DNM1: variants seen among roughly 807,000 people sequenced by gnomAD.
DNM1 encodes the protein dynamin-1.
A neutral mutation model predicts 104.6 loss-of-function variants in DNM1; 29 were observed. The observed-to-expected ratio is 0.28, with a 90% CI of 0.21 to 0.38. DNM1 has a LOEUF of 0.38. DNM1 is among the 10% of genes least tolerant of loss of function. The probability of loss-of-function intolerance (pLI) is 1.00; values close to 1 mark genes in which losing one functional copy is unlikely to be tolerated. For missense variants in DNM1, 640 were observed against 1,189.4 expected, an observed-to-expected ratio of 0.54 and a Z score of 6.79; for synonymous variants, 445 against 475.8, an observed-to-expected ratio of 0.94 and a Z score of 0.84.
At position 128,203,718 on chromosome 9, in the gene DNM1, C is replaced by T. The variant is rs1288475598; in HGVS notation, c.161+87C>T. The T allele has an allele frequency of 8.7e-6, 11 of 1,271,452 alleles. No individual in the cohort carries two copies. The highest frequency in any genetic ancestry group is 8.4e-5 in the Admixed American group (2 of 23,740). The allele number at this position is 1,271,452 out of a possible 1,614,324, so 78.8% of individuals were successfully genotyped here. On this transcript the variant is annotated intron_variant, in intron 1 of 21. Coordinates refer to ENST00000372923, the MANE Select transcript of DNM1 (RefSeq NM_004408.4). The surrounding 1 kb of genome is among the most constrained non-coding windows in gnomAD (Gnocchi z 5.3). ...CGGGGCACTGACGGCGCGGCGACCT[C>T]GCAGCCCCCGACGCTGCACCCGCGG...
intron 11 of DNM1, among the ~76,000 whole-genome samples, chr9:128,235,603 G>C (rs1207632980): frequency 6.6e-6 from 1 of 152,238 alleles, no homozygotes; most frequent in East Asian, 1.9e-4. Flanking sequence ...TGGCCATTGT[G>C]AATCACACTG....
At position 128,207,946 on chromosome 9, in the gene DNM1, G is replaced by T. The variant is rs911022963; in HGVS notation, c.161+4315G>T. Among the ~76,000 whole-genome samples, 4 of 152,060 alleles carry T rather than the reference G, an allele frequency of 2.6e-5. No individual in the cohort carries two copies. In the East Asian group the frequency reaches 5.8e-4, roughly 22 times the overall value. ...AGCGACCCTCTGCCCAGAGCCGAAG[G>T]AGCAGCCTGGGAGGAAGGGTTTTAG... On this transcript the variant is annotated intron_variant, in intron 1 of 21. Transcript: ENST00000372923.
Position 128,247,540 on chromosome 9 carries a change from G to A in DNM1, c.1893+54G>A. 1 of 1,379,526 alleles carries A rather than the reference G, an allele frequency of 7.2e-7. No individual in the cohort carries two copies. Among genetic ancestry groups the A allele is most frequent in the Non-Finnish European group, 1.0e-6 (1 of 981,762 alleles). The allele number at this position is 1,379,526 out of a possible 1,614,324, so 85.5% of individuals were successfully genotyped here. ...CAAGCATGATCCTAGGGCCCCTGGGGCACCATCCTCAGTGATGCCAAGTCA... is the reference window on the plus strand; with the variant it reads ...CAAGCATGATCCTAGGGCCCCTGGGACACCATCCTCAGTGATGCCAAGTCA... On this transcript the variant is annotated intron_variant, in intron 17 of 21. Coordinates refer to ENST00000372923, the MANE Select transcript of DNM1 (RefSeq NM_004408.4). The surrounding 1 kb of genome is among the most constrained non-coding windows in gnomAD (Gnocchi z 5.1).
At chr9:128,216,756 C>T (rs747249991) in intron 1 of DNM1, among the ~76,000 whole-genome samples, 2 of 152,192 alleles carry the variant, frequency 1.3e-5, no homozygotes, top group Admixed American at 6.5e-5. Context: ...TGCAAGAAGA[C>T]TTGTGAGTCT....
intron 11 of DNM1, among the ~76,000 whole-genome samples, chr9:128,238,208 C>CTGTTTGTT (rs59218725): frequency 9.6e-4 from 146 of 151,464 alleles, no homozygotes; most frequent in African/African-American, 2.2e-3. Flanking sequence ...TAAAAAGCCT[C>CTGTTTGTT]TGTTTGTTTG....
chr9:128,249,420 G>C (rs546996079), intron 19 of DNM1, among the ~76,000 whole-genome samples: 1 of 152,114 alleles, frequency 6.6e-6, no homozygotes, highest in Non-Finnish European at 1.5e-5. Flanking sequence ...ACTTTGGGAG[G>C]CCGAGGTGCG....
intron 21 of DNM1, chr9:128,252,348 AT>A (rs1829581630): frequency 5.4e-6 from 2 of 371,372 alleles, no homozygotes; most frequent in Admixed American, 3.7e-5. Context: ...CACATGAAAC[AT>A]TTGGCAAATC....
At position 128,249,875 on chromosome 9, in the gene DNM1, T is replaced by C. The variant is rs553787329; in HGVS notation, c.2077-240T>C. Among the ~76,000 whole-genome samples the C allele has an allele frequency of 2.1e-3, 315 of 151,766 alleles. 2 individuals carry two copies. The highest frequency in any genetic ancestry group is 7.4e-3 in the African/African-American group (305 of 41,406). ...TGAGTAGACAAGAGTTCTGGTGGCA[T>C]GATAGGTCCTAAGTCCCCTCCCGGT... On this transcript the variant is annotated intron_variant, in intron 19 of 21. Coordinates refer to ENST00000372923, the MANE Select transcript of DNM1 (RefSeq NM_004408.4).
chr9:128,236,938 A>G (rs1400804492), intron 11 of DNM1, among the ~76,000 whole-genome samples: 3 of 152,160 alleles, frequency 2.0e-5, no homozygotes, highest in African/African-American at 7.2e-5. Context: ...AACACACACA[A>G]TCCAGATTCC....
chr9:128,244,335 G>T (rs1836611833), intron 15 of DNM1, among the ~76,000 whole-genome samples: 1 of 151,912 alleles, frequency 6.6e-6, no homozygotes, highest in Admixed American at 6.6e-5. Context: ...GAGTTCTGGG[G>T]CTGTGAGTGT....
In DNM1 at chr9:128,254,215, G is replaced by C; in HGVS notation, c.2535-439G>C. ...CATCCCTTTTAGTTTCACCCTCCTG[G>C]TTCAAGCAGTGTTCTTTCTCTATCA... On this transcript the variant is annotated intron_variant, in intron 21 of 21. Coordinates refer to ENST00000372923, the MANE Select transcript of DNM1 (RefSeq NM_004408.4). The surrounding 1 kb of genome is among the most constrained non-coding windows in gnomAD (Gnocchi z 6.1). 2 of 1,347,742 alleles carry C rather than the reference G, an allele frequency of 1.5e-6. No homozygotes were observed. Among genetic ancestry groups the C allele is most frequent in the Admixed American group, 7.7e-5 (2 of 25,932 alleles). The allele number at this position is 1,347,742 out of a possible 1,614,324, so 83.5% of individuals were successfully genotyped here.
At chr9:128,216,688 C>T (rs573031070) in intron 1 of DNM1, among the ~76,000 whole-genome samples, 21 of 152,338 alleles carry the variant, frequency 1.4e-4, no homozygotes, top group African/African-American at 2.4e-4. Flanking sequence ...GGGCTTTGAA[C>T]CTAGGAGCTC....
rs113109726 is a variant in DNM1 at position 128,254,995 on chromosome 9, C to T, written c.*281C>T. The T allele has an allele frequency of 3.1e-6, 1 of 318,176 alleles. No individual in the cohort carries two copies. The highest frequency in any genetic ancestry group is 5.7e-6 in the Non-Finnish European group (1 of 174,338). 19.7% of individuals were successfully genotyped at this position (318,176 alleles called of 1,614,324 possible). A position where few individuals can be genotyped will look rare whatever the true frequency, so the allele number is the denominator to read the frequency against. On this transcript the variant is annotated 3_prime_UTR_variant, in exon 22 of 22. Transcript: ENST00000372923. This position sits in a 1 kb window ranked among gnomAD's most constrained non-coding sequence, Gnocchi z 6.1. Reference sequence around the variant, plus strand: ...CGCCTCTAGCGCTGGGAATCAGTCACTGTGCTATCCTTGTGGAGTCTTGTG... The same window carrying T: ...CGCCTCTAGCGCTGGGAATCAGTCATTGTGCTATCCTTGTGGAGTCTTGTG...
chr9:128,209,883 C>T (rs1300157565), intron 1 of DNM1, among the ~76,000 whole-genome samples: 2 of 152,190 alleles, frequency 1.3e-5, no homozygotes, highest in Non-Finnish European at 2.9e-5. Context: ...TCCCCTGGCC[C>T]CTGGGGAACT....
At chr9:128,249,085 C>T (rs980254126) in intron 19 of DNM1, among the ~76,000 whole-genome samples, 1 of 151,272 alleles carries the variant, frequency 6.6e-6, no homozygotes, top group Admixed American at 6.6e-5. Flanking sequence ...TGCAGCTACT[C>T]GGGAGGCTGA....
intron 6 of DNM1, among the ~76,000 whole-genome samples, chr9:128,221,512 A>G (rs1835019535): frequency 6.6e-6 from 1 of 152,206 alleles, no homozygotes; most frequent in Admixed American, 6.5e-5. Flanking sequence ...CATGAGTGCT[A>G]GAACTTGAGA....
In DNM1 at chr9:128,220,738, C is replaced by CGTGTGTGTGT. The variant is rs776283695; in HGVS notation, c.849+398_849+399insTGTGTGTGTG. Among the ~76,000 whole-genome samples, 109 of 96,416 alleles carry CGTGTGTGTGT rather than the reference C, an allele frequency of 1.1e-3. 1 individual carries two copies. The highest frequency in any genetic ancestry group is 1.6e-3 in the Non-Finnish European group (82 of 52,410). The allele number at this position is 96,416 out of a possible 152,430, so 63.3% of individuals were successfully genotyped here. On this transcript the variant is annotated intron_variant, in intron 6 of 21. Transcript: ENST00000372923. The surrounding 1 kb of genome is among the most constrained non-coding windows in gnomAD (Gnocchi z 5.2). Reference sequence around the variant, plus strand: ...CATCCAGAACTGAAGTGCGCGCGCGCGCGCGTGTGTGTGTGTGTGTGTGTG... The same window carrying CGTGTGTGTGT: ...CATCCAGAACTGAAGTGCGCGCGCGCGTGTGTGTGTGCGCGTGTGTGTGTGTGTGTGTGTG...
chr9:128,244,734 C>G (rs1239949810), intron 15 of DNM1: 1 of 533,730 alleles, frequency 1.9e-6, no homozygotes, highest in Non-Finnish European at 3.9e-6. Flanking sequence ...AGGGTCTAAC[C>G]CAGCCCAGCC....
Position 128,248,267 on chromosome 9 carries a change from T to C in DNM1, c.1906-316T>C. ...GCTTGAACCCAGGAGGAGGTTGCAA[T>C]GAGCCAATACAGCACCACTGCACTC... is the stretch of plus-strand genomic sequence containing the variant. On this transcript the variant is annotated intron_variant, in intron 18 of 21. Coordinates refer to ENST00000372923, the MANE Select transcript of DNM1 (RefSeq NM_004408.4). This position sits in a 1 kb window ranked among gnomAD's most constrained non-coding sequence, Gnocchi z 5.6. 1 of 503,224 alleles carries C rather than the reference T, an allele frequency of 2.0e-6. No homozygotes were observed. Among genetic ancestry groups the C allele is most frequent in the Non-Finnish European group, 3.6e-6 (1 of 279,226 alleles). The allele number at this position is 503,224 out of a possible 1,614,324, so 31.2% of individuals were successfully genotyped here.
Sources: allele counts gnomAD v4.1 joint callset (sites outside exome capture counted in the v4.1 genomes callset), GRCh38; gene constraint gnomAD v4.1.1; non-coding constraint Gnocchi (gnomAD v3.1); transcripts MANE v1.5; gene names NCBI Gene and HGNC (gene_info 2026-07-23, HGNC 2026-07-21).